Variants in SCG5 observed in about 807,000 individuals in gnomAD.
SCG5 encodes the protein secretogranin V.
A neutral mutation model predicts 25.7 loss-of-function variants in SCG5; 18 were observed. The observed-to-expected ratio is 0.70, with a 90% confidence interval of 0.48 to 1.04. SCG5 has a LOEUF of 1.04. Ranked by LOEUF, SCG5 falls within the 50% of genes least tolerant of loss-of-function variation. The pLI, the probability that SCG5 is intolerant of heterozygous loss-of-function variation, is 0.00. For synonymous variants in SCG5, 101 were observed against 91.7 expected, an observed-to-expected ratio of 1.10 and a Z score of -0.58; for missense variants, 206 against 259.8, an observed-to-expected ratio of 0.79 and a Z score of 1.42.
intron 3 of SCG5, among the ~76,000 whole-genome samples, chr15:32,683,959 A>G (rs897734765): frequency 1.3e-5 from 2 of 152,264 alleles, no homozygotes; most frequent in African/African-American, 4.8e-5. Context: ...TCTTGTAACA[A>G]ATAAAAACAT....
At chr15:32,679,672 G>A in intron 2 of SCG5, 94 bp from the exon 3 acceptor site, 2 of 1,338,122 alleles carry the variant, frequency 1.5e-6, no homozygotes, top group East Asian at 2.3e-5. Flanking sequence ...CACAGCAGAA[G>A]GCACAGGGCT....
intron 2 of SCG5, among the ~76,000 whole-genome samples, chr15:32,657,485 C>T (rs1442269231): frequency 1.3e-5 from 2 of 151,748 alleles, no homozygotes; most frequent in Non-Finnish European, 2.9e-5. Context: ...TCCATTCTTG[C>T]CCTTGTGACT....
chr15:32,690,323 A>C (rs1264783951), intron 4 of SCG5, among the ~76,000 whole-genome samples: 1 of 152,150 alleles, frequency 6.6e-6, no homozygotes, highest in Non-Finnish European at 1.5e-5. Flanking sequence ...TGAAGAAGAC[A>C]TGTCCTCACC....
intron 2 of SCG5, among the ~76,000 whole-genome samples, chr15:32,669,791 C>T (rs576838963): frequency 1.3e-5 from 2 of 150,004 alleles, no homozygotes; most frequent in South Asian, 4.2e-4. Flanking sequence ...GTGGTGACTA[C>T]AGAAAAATTA....
chr15:32,659,132 C>T (rs2054174615), intron 2 of SCG5, among the ~76,000 whole-genome samples: 2 of 152,000 alleles, frequency 1.3e-5, no homozygotes, highest in East Asian at 1.9e-4. Flanking sequence ...GCCGAGATGG[C>T]GCCACTGCAC....
At chr15:32,667,252 TG>T (rs1317523141) in intron 2 of SCG5, among the ~76,000 whole-genome samples, 1 of 152,220 alleles carries the variant, frequency 6.6e-6, no homozygotes, top group Non-Finnish European at 1.5e-5. Context: ...GGACTAGAAC[TG>T]ACTCAGGCCA....
At chr15:32,669,913 A>T (rs916321800) in intron 2 of SCG5, among the ~76,000 whole-genome samples, 3 of 152,218 alleles carry the variant, frequency 2.0e-5, no homozygotes, top group Non-Finnish European at 4.4e-5. Flanking sequence ...AAAGCAAGCA[A>T]TGCTTAAGCA....
At chr15:32,662,856 C>T (rs903120920) in intron 2 of SCG5, among the ~76,000 whole-genome samples, 7 of 151,126 alleles carry the variant, frequency 4.6e-5, no homozygotes, top group South Asian at 4.2e-4. Context: ...TGCAGGAGAG[C>T]GGAGAGCTGG....
intron 4 of SCG5, among the ~76,000 whole-genome samples, chr15:32,688,270 C>G (rs1305616319): frequency 6.6e-6 from 1 of 152,184 alleles, no homozygotes; most frequent in East Asian, 1.9e-4. Flanking sequence ...CCTGTACATG[C>G]CAGCTACCCA....
intron 2 of SCG5, among the ~76,000 whole-genome samples, chr15:32,660,082 A>AT (rs1283286893): frequency 2.0e-5 from 3 of 152,068 alleles, no homozygotes; most frequent in Non-Finnish European, 2.9e-5. Flanking sequence ...TGGAAGGATT[A>AT]TTTTTTCCCT....
chr15:32,683,782 T>C (rs181998667), intron 3 of SCG5, among the ~76,000 whole-genome samples: 55 of 152,342 alleles, frequency 3.6e-4, no homozygotes, highest in Non-Finnish European at 7.1e-4. Flanking sequence ...ACTCCAAAGC[T>C]TAAGCTGTTA....
Position 32,680,194 on chromosome 15 carries a change from C to CT in SCG5, c.376+298dup, listed in dbSNP as rs10549438. On this transcript the variant is annotated intron_variant, in intron 3 of 5. Transcript: ENST00000300175. ...GATGCACTTTTCTGCACTTGCTACT[C>CT]TTTTTTTTTTTTTTTTTTTGAGACA... 9.2e-3 allele frequency among the ~76,000 whole-genome samples: 1,058 copies of CT among 114,544 alleles called. 18 individuals carry two copies. The highest frequency in any genetic ancestry group is 0.031 in the African/African-American group (980 of 31,180). The allele number at this position is 114,544 out of a possible 152,430, so 75.1% of individuals were successfully genotyped here.
chr15:32,648,891 C>A lies in SCG5; in HGVS notation c.226+5073C>A, dbSNP rs571328182. On this transcript the variant is annotated intron_variant, in intron 2 of 5. Coordinates refer to ENST00000300175, the MANE Select transcript of SCG5 (RefSeq NM_001144757.3). ...GGTTCTCGCCATTCTCCTGCCTCAG[C>A]CTCCCCAGTAGCTGGGACTACAGGC... Among the ~76,000 whole-genome samples the A allele has an allele frequency of 1.6e-3, 239 of 152,242 alleles. 3 individuals are homozygous for A. Among genetic ancestry groups the A allele is most frequent in the South Asian group, 1.2e-3 (6 of 4,826 alleles).
intron 3 of SCG5, among the ~76,000 whole-genome samples, chr15:32,681,677 A>G (rs1355763640): frequency 6.6e-6 from 1 of 151,922 alleles, no homozygotes. Flanking sequence ...CTCAAACTTC[A>G]GAGCTCAAAC....
intron 2 of SCG5, among the ~76,000 whole-genome samples, chr15:32,674,970 T>C (rs1843049728): frequency 6.6e-6 from 1 of 152,218 alleles, no homozygotes; most frequent in East Asian, 1.9e-4. Context: ...CAATTACATC[T>C]GAGTGCAACT....
intron 5 of SCG5, among the ~76,000 whole-genome samples, chr15:32,694,002 C>T (rs916839709): frequency 2.6e-5 from 4 of 151,976 alleles, no homozygotes; most frequent in South Asian, 4.2e-4. Context: ...CTCAGGTACT[C>T]GGGAGGCTGA....
intron 2 of SCG5, among the ~76,000 whole-genome samples, chr15:32,675,960 A>G (rs1319883035): frequency 6.6e-6 from 1 of 152,258 alleles, no homozygotes; most frequent in Non-Finnish European, 1.5e-5. Flanking sequence ...TGAATAGACC[A>G]AATGGCATCC....
At chr15:32,670,669 C>G (rs923972303) in intron 2 of SCG5, among the ~76,000 whole-genome samples, 1 of 152,218 alleles carries the variant, frequency 6.6e-6, no homozygotes, top group African/African-American at 2.4e-5. Context: ...ATGATCTCTT[C>G]CACCAGGCAC....
chr15:32,685,951 C>T (rs768656862), intron 4 of SCG5, among the ~76,000 whole-genome samples: 5 of 152,218 alleles, frequency 3.3e-5, no homozygotes, highest in African/African-American at 4.8e-5. Context: ...AAACTAAACT[C>T]CCTCCTTTCC....
Sources: gnomAD v4.1 joint callset for allele counts (sites outside exome capture counted in the v4.1 genomes callset) on GRCh38, gnomAD v4.1.1 for gene constraint, MANE v1.5 for transcripts, NCBI Gene and HGNC (gene_info 2026-07-23, HGNC 2026-07-21) for gene names.